ATXN2L: variants seen among roughly 807,000 people sequenced by gnomAD.
The protein encoded by ATXN2L is ataxin 2 like.
ATXN2L carries 24 observed loss-of-function variants against 120.7 expected under a neutral mutation model. The observed-to-expected ratio is 0.20, with a 90% CI of 0.14 to 0.28. The LOEUF (loss-of-function observed/expected upper bound fraction) is 0.28, where lower values mean the gene tolerates loss of function less well. Among genes scored for constraint, ATXN2L ranks in the 10% least tolerant of loss-of-function variants. The pLI is 1.00. For missense variants in ATXN2L, 1,312 were observed against 1,432.3 expected (o/e 0.92, Z 1.36); for synonymous variants, 653 against 568.1 (o/e 1.15, Z -2.13).
chr16:28,824,357 G>C, intron 1 of ATXN2L: 1 of 1,207,492 alleles, frequency 8.3e-7, no homozygotes, highest in South Asian at 1.4e-5. Flanking sequence ...GATCGCTGGA[G>C]GTGGGGGTTC....
chr16:28,824,448 C>G, intron 1 of ATXN2L: 1 of 1,286,978 alleles, frequency 7.8e-7, no homozygotes, highest in African/African-American at 1.5e-5. Flanking sequence ...TGCGCTGTCC[C>G]CCAGCCCCGC....
In ATXN2L at chr16:28,823,067, C is replaced by T. The variant is rs1197089360; in HGVS notation, c.-193C>T. The stretch of plus-strand genomic sequence containing the variant: ...TCCTCCAGCCGCGAGACCCCCTCCC[C>T]TTCCGCCTCGCGGCGCTTCCTCGCG... On this transcript the variant is annotated 5_prime_UTR_variant, in exon 1 of 22. Coordinates refer to ENST00000336783, the MANE Select transcript of ATXN2L (RefSeq NM_007245.4). The T allele has an allele frequency of 5.6e-6, 2 of 357,818 alleles. No individual in the cohort carries two copies. Among genetic ancestry groups the T allele is most frequent in the East Asian group, 4.0e-5 (1 of 24,708 alleles). 22.2% of individuals were successfully genotyped at this position (357,818 alleles called of 1,614,324 possible).
Position 28,834,583 on chromosome 16 carries a change from G to T in ATXN2L, c.2323G>T (p.Gly775Cys), listed in dbSNP as rs371667973. Residue 775 changes from glycine (G) to cysteine (C), a missense_variant, in exon 18 of 22, where the codon GGC becomes TGC. Coordinates refer to ENST00000336783, the MANE Select transcript of ATXN2L (RefSeq NM_007245.4). ...GATGATGCAGGCCGCCGCGGCTGCT[G>T]GCCCGCCTCTGGTGGCTGCCACGCC... The part of the protein sequence containing the change: ...PPMMQAAAAA[G>C]PPLVAATPYS... The T allele has an allele frequency of 1.2e-6, 2 of 1,612,926 alleles. No individual in the cohort carries two copies. Among genetic ancestry groups the T allele is most frequent in the African/African-American group, 2.7e-5 (2 of 74,910 alleles).
In ATXN2L at chr16:28,836,172, G is replaced by T; in HGVS notation, c.3135G>T (p.Arg1045Ser). The T allele has an allele frequency of 6.2e-7, 1 of 1,614,150 alleles. No individual in the cohort carries two copies. The highest frequency in any genetic ancestry group is 1.1e-5 in the South Asian group (1 of 91,082). ...GATTTCCAGGAGGAGCCGATGACAG[G>T]ATTCGTGAGTTCTCATTAGCTGGGG... ...APGFPGGADD[R>S]IREFSLAGGI... Residue 1045 changes from arginine (R) to serine (S), a missense_variant, in exon 22 of 22, where the codon AGG becomes AGT. Coordinates refer to ENST00000336783, the MANE Select transcript of ATXN2L (RefSeq NM_007245.4).
rs757470640 is a variant in ATXN2L, at chr16:28,835,713, C to G, written c.2850C>G (p.His950Gln). 3.7e-6 allele frequency: 6 copies of G among 1,614,160 alleles called. No individual in the cohort carries two copies. The East Asian group carries it at 1.3e-4, about 36-fold the overall frequency. ...PQPAAVYAIH[H>Q]QQLPHGFTNM... ...CAGCCGCTGTGTATGCCATCCACCA[C>G]CAGCAGCTGCCCCACGGCTTCACCA... The change falls in exon 21 of 22, where the codon CAC becomes CAG. Residue 950 changes from histidine to glutamine, a missense_variant. Transcript: ENST00000336783.
chr16:28,829,650 A>G, intron 7 of ATXN2L, 158 bp downstream of exon 7: 1 of 765,936 alleles, frequency 1.3e-6, no homozygotes, highest in Non-Finnish European at 2.1e-6. Flanking sequence ...CTTCCCTCAA[A>G]GGTTTTAAGC....
intron 1 of ATXN2L, among the ~76,000 whole-genome samples, chr16:28,825,057 T>G (rs1237093255): frequency 7.3e-6 from 1 of 137,648 alleles, no homozygotes; most frequent in Non-Finnish European, 1.6e-5. Context: ...TACTAAAAAT[T>G]AAAAAAAAAA....
rs369871413 is a variant in ATXN2L, at chr16:28,831,093, G to C, written c.1321+21G>C. On this transcript the variant is annotated intron_variant, in intron 10 of 21. Transcript: ENST00000336783. ...TGCAGGTAAAGCTTTAGTAGTGTTG[G>C]ATGAAGAAATGGATGGAAATTTGTA... The C allele has an allele frequency of 1.4e-4, 217 of 1,509,518 alleles. 2 individuals carry two copies. Among genetic ancestry groups the C allele is most frequent in the Non-Finnish European group, 1.4e-4 (159 of 1,098,620 alleles). The allele number at this position is 1,509,518 out of a possible 1,614,324, so 93.5% of individuals were successfully genotyped here. A position where few individuals can be genotyped will look rare whatever the true frequency, so the allele number is the denominator to read the frequency against.
chr16:28,823,660 C>T, intron 1 of ATXN2L, 102 bp downstream of exon 1: 2 of 1,143,506 alleles, frequency 1.7e-6, no homozygotes, highest in Non-Finnish European at 2.2e-6. Flanking sequence ...GGGGCACCGG[C>T]TGGGTGGGGA....
chr16:28,826,829 C>A, intron 5 of ATXN2L, 33 bp from the exon 6 acceptor site: 1 of 1,513,078 alleles, frequency 6.6e-7, no homozygotes, highest in Non-Finnish European at 8.9e-7. Flanking sequence ...TGAAATATAG[C>A]CTGACTCCTG....
rs754101632 is a variant in ATXN2L at position 28,823,246 on chromosome 16, C to T, written c.-14C>T. 5.6e-6 allele frequency: 8 copies of T among 1,436,942 alleles called. No individual in the cohort carries two copies. Among genetic ancestry groups the T allele is most frequent in the Admixed American group, 2.5e-5 (1 of 39,636 alleles). The allele number at this position is 1,436,942 out of a possible 1,614,324, so 89.0% of individuals were successfully genotyped here. A position where few individuals can be genotyped will look rare whatever the true frequency, so the allele number is the denominator to read the frequency against. On this transcript the variant is annotated 5_prime_UTR_variant, in exon 1 of 22. Transcript: ENST00000336783. ...CCTCCCTTCTCTCTAATTCCCCTTCCGGACGCTGCCATCATGTTGAAGCCT... is the reference window on the plus strand; with the variant it reads ...CCTCCCTTCTCTCTAATTCCCCTTCTGGACGCTGCCATCATGTTGAAGCCT...
intron 8 of ATXN2L, 35 bp downstream of exon 8, chr16:28,830,093 TTCTGGGAATA>T (rs2053769866): frequency 6.3e-6 from 10 of 1,580,394 alleles, no homozygotes; most frequent in Non-Finnish European, 8.6e-6. Flanking sequence ...TACTTGGGGC[TTCTGGGAATA>T]TCCTGGGGCC....
At chr16:28,835,016 A>G in intron 18 of ATXN2L, 42 bp from the exon 19 acceptor site, 3 of 1,586,130 alleles carry the variant, frequency 1.9e-6, no homozygotes, top group Non-Finnish European at 2.6e-6. Flanking sequence ...ACACCTTCCC[A>G]GCTGGCGGCT....
At chr16:28,825,253 G>A in intron 1 of ATXN2L, 113 bp from the exon 2 acceptor site, 3 of 1,000,314 alleles carry the variant, frequency 3.0e-6, no homozygotes, top group Non-Finnish European at 3.1e-6. Context: ...TAACAATTTT[G>A]TAGTCTAAAT....
Position 28,833,507 on chromosome 16 carries a change from T to C in ATXN2L, c.2024T>C (p.Val675Ala). 1 of 1,614,138 alleles carries C rather than the reference T, an allele frequency of 6.2e-7. No homozygotes were observed. The highest frequency in any genetic ancestry group is 8.5e-7 in the Non-Finnish European group (1 of 1,179,990). The stretch of plus-strand genomic sequence containing the variant: ...AATCCTACAAAGCCTCTGCTGTCTG[T>C]GGTGAGCTGGGACAGGAGAATGTGG... The part of the protein sequence containing the change: ...EFNPTKPLLS[V>A]NKSTSTPTSP... The change falls in exon 15 of 22, where the codon GTG becomes GCG. Residue 675 changes from valine to alanine, a missense_variant and splice_region_variant. By Grantham distance (64) the Val-to-Ala change is moderately conservative (BLOSUM62 0). Transcript: ENST00000336783.
At position 28,836,808 on chromosome 16, in the gene ATXN2L, A is replaced by G. The variant is rs779431416; in HGVS notation, c.*543A>G. ...GTCCTGGCCGCGACCTGAGACCTCCATGAGTGGAGGGAAGAGTGATCTATG... is the reference window on the plus strand; with the variant it reads ...GTCCTGGCCGCGACCTGAGACCTCCGTGAGTGGAGGGAAGAGTGATCTATG... On this transcript the variant is annotated 3_prime_UTR_variant, in exon 22 of 22. Coordinates refer to ENST00000336783, the MANE Select transcript of ATXN2L (RefSeq NM_007245.4). 6 of 1,612,974 alleles carry G rather than the reference A, an allele frequency of 3.7e-6. No homozygotes were observed. In the East Asian group the frequency reaches 6.7e-5, roughly 18 times the overall value.
At position 28,823,221 on chromosome 16, in the gene ATXN2L, C is replaced by G. The variant is rs747348967; in HGVS notation, c.-39C>G. ...GGCCCCAGCCCCGGCCCCCTCTCTC[C>G]CTCCCTTCTCTCTAATTCCCCTTCC... is the stretch of plus-strand genomic sequence containing the variant. On this transcript the variant is annotated 5_prime_UTR_variant, in exon 1 of 22. Coordinates refer to ENST00000336783, the MANE Select transcript of ATXN2L (RefSeq NM_007245.4). The G allele has an allele frequency of 1.5e-6, 2 of 1,338,768 alleles. No homozygotes were observed. The highest frequency in any genetic ancestry group is 1.9e-6 in the Non-Finnish European group (2 of 1,035,948). 82.9% of individuals were successfully genotyped at this position (1,338,768 alleles called of 1,614,324 possible).
chr16:28,827,029 A>C (rs760425420), intron 6 of ATXN2L, 43 bp downstream of exon 6: 1 of 1,378,476 alleles, frequency 7.3e-7, no homozygotes, highest in Non-Finnish European at 9.5e-7. Context: ...GGACAGACAG[A>C]ATGGGTTGTT....
Position 28,826,290 on chromosome 16 carries a change from T to G in ATXN2L, c.516T>G (p.Gly172=). 2 of 1,614,206 alleles carry G rather than the reference T, an allele frequency of 1.2e-6. No individual in the cohort carries two copies. The highest frequency in any genetic ancestry group is 1.7e-6 in the Non-Finnish European group (2 of 1,180,036). The change falls in exon 5 of 22, where the codon GGT becomes GGG. Residue 172 remains glycine, a synonymous_variant. Coordinates refer to ENST00000336783, the MANE Select transcript of ATXN2L (RefSeq NM_007245.4). ...ACCGGAAAGCATCTGAGCCAGCAGGTGGCCCTCGTCGGGAGGACATTGTGG... is the reference window on the plus strand; with the variant it reads ...ACCGGAAAGCATCTGAGCCAGCAGGGGGCCCTCGTCGGGAGGACATTGTGG... ...AVHRKASEPA[G]GPRREDIVDT...
Sources: gnomAD v4.1 joint callset for allele counts (sites outside exome capture counted in the v4.1 genomes callset) on GRCh38, gnomAD v4.1.1 for gene constraint, MANE v1.5 for transcripts, NCBI Gene and HGNC (gene_info 2026-07-23, HGNC 2026-07-21) for gene names.